The following DISP1 variants were observed in gnomAD, a reference collection of about 807,000 sequenced individuals.
The protein encoded by DISP1 is protein dispatched homolog 1.
DISP1 carries 30 observed loss-of-function variants against 37.3 expected under a neutral mutation model. That is an observed-to-expected ratio of 0.80 (90% CI 0.60 to 1.09). The LOEUF (loss-of-function observed/expected upper bound fraction) is 1.09. DISP1 is among the 50% of genes least tolerant of loss of function. DISP1 has a pLI of 0.00. For synonymous variants in DISP1, 634 were observed against 690.2 expected (o/e 0.92, Z 1.28); for missense variants, 1,598 against 1,879.5 (o/e 0.85, Z 2.77).
At chr1:222,945,223 T>A (rs35293291) in intron 3 of DISP1, among the ~76,000 whole-genome samples, 81,660 of 151,926 alleles carry the variant, frequency 0.54, 22,572 homozygotes, top group African/African-American at 0.66. Context: ...TCTGAATACA[T>A]TTTCCAGACT....
chr1:222,873,484 A>T (rs980049796), intron 1 of DISP1, among the ~76,000 whole-genome samples: 10 of 152,264 alleles, frequency 6.6e-5, no homozygotes, highest in South Asian at 2.1e-4. Flanking sequence ...TATATTTAGG[A>T]TAGTTAGCTC....
At chr1:222,863,438 C>T (rs1178540818) in intron 1 of DISP1, among the ~76,000 whole-genome samples, 2 of 151,768 alleles carry the variant, frequency 1.3e-5, no homozygotes, top group African/African-American at 4.8e-5. Flanking sequence ...TTGAGAGGAC[C>T]ACCTGAGCCC....
rs747235155 is a variant in DISP1, at chr1:223,002,932, T to C, written c.1535T>C (p.Val512Ala). ...ACTGTGTATCCTGCCATAGCCATTG[T>C]GATTGTCCTTTTAGTTATGTGTGTC... ...MDTVYPAIAIVIVLLVMCVYT... is the reference protein window; with the variant it reads ...MDTVYPAIAIAIVLLVMCVYT... Residue 512 changes from valine to alanine, a missense_variant, in exon 9 of 9, where the codon GTG becomes GCG. Val to Ala is a moderately conservative substitution (Grantham distance 64). Transcript: ENST00000675850. 2 of 1,614,054 alleles carry C rather than the reference T, an allele frequency of 1.2e-6. No individual in the cohort carries two copies. Among genetic ancestry groups the C allele is most frequent in the African/African-American group, 1.3e-5 (1 of 75,070 alleles).
At chr1:222,949,389 C>CA (rs557578352) in intron 3 of DISP1, among the ~76,000 whole-genome samples, 227 of 138,644 alleles carry the variant, frequency 1.6e-3, no homozygotes, top group Admixed American at 3.0e-3. Context: ...GGGAGACTCT[C>CA]AAAAAAAAAA....
chr1:222,995,111 T>G, intron 8 of DISP1, 129 bp downstream of exon 8: 1 of 738,188 alleles, frequency 1.4e-6, no homozygotes. Flanking sequence ...AGGAGTAAAC[T>G]CCAGCAGGCC....
intron 8 of DISP1, among the ~76,000 whole-genome samples, chr1:222,996,130 C>T (rs1679052192): frequency 6.6e-6 from 1 of 152,184 alleles, no homozygotes; most frequent in Non-Finnish European, 1.5e-5. Context: ...AGACCAAAGC[C>T]ACAAACGATC....
intron 1 of DISP1, among the ~76,000 whole-genome samples, chr1:222,858,446 A>G (rs562045542): frequency 6.6e-6 from 1 of 152,210 alleles, no homozygotes; most frequent in Non-Finnish European, 1.5e-5. Flanking sequence ...GAAATCACCA[A>G]AAGTAATTGC....
At chr1:222,970,246 C>T (rs946103580) in intron 3 of DISP1, among the ~76,000 whole-genome samples, 1 of 152,168 alleles carries the variant, frequency 6.6e-6, no homozygotes, top group Non-Finnish European at 1.5e-5. Flanking sequence ...TTATTAGTGT[C>T]ACCCGTTCAT....
chr1:222,953,770 G>A (rs1323806295), intron 3 of DISP1, among the ~76,000 whole-genome samples: 7 of 152,102 alleles, frequency 4.6e-5, no homozygotes, highest in African/African-American at 1.7e-4. Flanking sequence ...CAGAGTGAAG[G>A]CCTATTTTTT....
intron 3 of DISP1, among the ~76,000 whole-genome samples, chr1:222,963,917 G>A (rs1231829984): frequency 5.3e-5 from 8 of 151,900 alleles, no homozygotes; most frequent in Admixed American, 1.3e-4. Context: ...AAAATAAAGC[G>A]TTATAAAACT....
intron 3 of DISP1, among the ~76,000 whole-genome samples, chr1:222,981,885 T>C (rs929257036): frequency 1.3e-5 from 2 of 152,232 alleles, no homozygotes; most frequent in African/African-American, 4.8e-5. Flanking sequence ...AATAAATTAG[T>C]GTAGTGGTTC....
chr1:222,911,084 G>GACAATTTTT lies in DISP1; in HGVS notation c.-158-17346_-158-17345insACAATTTTT, dbSNP rs1672183070. On this transcript the variant is annotated intron_variant, in intron 1 of 8. Coordinates refer to ENST00000675850, the MANE Select transcript of DISP1 (RefSeq NM_001377229.1). Reference sequence around the variant, plus strand: ...GAAATTCACAGTAATTGTCTTCAGGGCTTTCTCTTTTTCTTTGTAGAATGC... The same window carrying GACAATTTTT: ...GAAATTCACAGTAATTGTCTTCAGGGACAATTTTTCTTTCTCTTTTTCTTTGTAGAATGC... Among the ~76,000 whole-genome samples the GACAATTTTT allele has an allele frequency of 2.0e-5, 3 of 152,132 alleles. 1 individual carries two copies. Among genetic ancestry groups the GACAATTTTT allele is most frequent in the African/African-American group, 2.4e-5 (1 of 41,412 alleles).
At chr1:222,922,069 TG>T (rs1672832837) in intron 1 of DISP1, among the ~76,000 whole-genome samples, 1 of 140,714 alleles carries the variant, frequency 7.1e-6, no homozygotes, top group Non-Finnish European at 1.5e-5. Context: ...AGGCCATTGC[TG>T]GTAGAGAGAC....
At chr1:222,979,212 A>C (rs1014657753) in intron 3 of DISP1, among the ~76,000 whole-genome samples, 1 of 152,160 alleles carries the variant, frequency 6.6e-6, no homozygotes, top group African/African-American at 2.4e-5. Context: ...GTTTAAGACC[A>C]GCATAGGCAG....
intron 1 of DISP1, among the ~76,000 whole-genome samples, chr1:222,821,616 C>T (rs1264461692): frequency 6.6e-6 from 1 of 152,164 alleles, no homozygotes; most frequent in Non-Finnish European, 1.5e-5. Context: ...TGGCTCATGC[C>T]TGTAATTGCA....
chr1:222,937,152 T>G (rs539044705), intron 2 of DISP1, among the ~76,000 whole-genome samples: 52 of 148,068 alleles, frequency 3.5e-4, no homozygotes, highest in Admixed American at 1.3e-3. Flanking sequence ...TGCAGTGGCG[T>G]GATCTCGGCT....
chr1:222,936,841 ATC>A (rs1428319986), intron 2 of DISP1, among the ~76,000 whole-genome samples: 59 of 60,784 alleles, frequency 9.7e-4, no homozygotes, highest in South Asian at 3.6e-3. Flanking sequence ...AATTATATAT[ATC>A]ATATATATGA....
intron 1 of DISP1, among the ~76,000 whole-genome samples, chr1:222,850,483 T>C (rs1572337006): frequency 1.3e-5 from 2 of 152,188 alleles, no homozygotes; most frequent in Admixed American, 1.3e-4. Context: ...ACATGTGGTT[T>C]GTTACATAGG....
At chr1:222,892,178 C>T (rs1044042112) in intron 1 of DISP1, among the ~76,000 whole-genome samples, 11 of 152,100 alleles carry the variant, frequency 7.2e-5, no homozygotes, top group African/African-American at 2.4e-4. Context: ...TTTTCCTTCA[C>T]GTTTAGCAGT....
Sources: gnomAD v4.1 joint callset for allele counts (sites outside exome capture counted in the v4.1 genomes callset) on GRCh38, gnomAD v4.1.1 for gene constraint, MANE v1.5 for transcripts, NCBI Gene and HGNC (gene_info 2026-07-23, HGNC 2026-07-21) for gene names.